SLC4A10: variants seen among roughly 807,000 people sequenced by gnomAD.
SLC4A10 encodes solute carrier family 4 member 10, also known as sodium-driven chloride bicarbonate exchanger.
Under a neutral mutation model 137.7 loss-of-function variants are expected in SLC4A10, and 42 were observed. The ratio of observed to expected loss-of-function variants is 0.30; its 90% CI spans 0.24 to 0.39. The LOEUF (loss-of-function observed/expected upper bound fraction) is 0.39. Ranked by LOEUF, SLC4A10 falls within the 10% of genes least tolerant of loss-of-function variation. The pLI is 1.00. For missense variants in SLC4A10, 925 were observed against 1,355.0 expected (o/e 0.68, Z 4.98); for synonymous variants, 474 against 464.1 (o/e 1.02, Z -0.27).
intron 2 of SLC4A10, among the ~76,000 whole-genome samples, chr2:161,775,665 C>T (rs2052233293): frequency 6.6e-6 from 1 of 151,858 alleles, no homozygotes; most frequent in African/African-American, 2.4e-5. Flanking sequence ...TATAGGGACT[C>T]AGTGAAAGTA....
At chr2:161,656,380 A>T (rs1254901209) in intron 1 of SLC4A10, among the ~76,000 whole-genome samples, 1 of 152,186 alleles carries the variant, frequency 6.6e-6, no homozygotes, top group East Asian at 1.9e-4. Flanking sequence ...GCAGAGTATT[A>T]AGTAGTGAAT....
intron 2 of SLC4A10, among the ~76,000 whole-genome samples, chr2:161,779,691 T>A (rs188962280): frequency 6.6e-6 from 1 of 152,124 alleles, no homozygotes; most frequent in East Asian, 1.9e-4. Flanking sequence ...CTTTCTAATA[T>A]TTTACCTCTA....
At chr2:161,660,589 TTTCTTTCTTTC>T (rs1553479847) in intron 1 of SLC4A10, among the ~76,000 whole-genome samples, 4 of 139,946 alleles carry the variant, frequency 2.9e-5, no homozygotes, top group Non-Finnish European at 6.4e-5. Context: ...TCTTTCTTTC[TTTCTTTCTTTC>T]TTTCTTTCTT....
chr2:161,842,832 T>A (rs1217359785), intron 4 of SLC4A10, among the ~76,000 whole-genome samples: 1 of 152,086 alleles, frequency 6.6e-6, no homozygotes, highest in Non-Finnish European at 1.5e-5. Context: ...CACAGATTAG[T>A]GATATAACTT....
chr2:161,749,050 G>C (rs1372983463), intron 1 of SLC4A10, among the ~76,000 whole-genome samples: 3 of 151,874 alleles, frequency 2.0e-5, no homozygotes, highest in East Asian at 1.9e-4. Context: ...TTGTAAATGA[G>C]GTTGTTTTCT....
intron 25 of SLC4A10, 22 bp downstream of exon 25, chr2:161,976,898 G>T (rs1423268817): frequency 7.9e-7 from 1 of 1,261,134 alleles, no homozygotes; most frequent in East Asian, 2.5e-5. Context: ...AAAATAATGA[G>T]AATTTATACT....
intron 1 of SLC4A10, among the ~76,000 whole-genome samples, chr2:161,731,532 C>G (rs953119954): frequency 6.6e-6 from 1 of 152,060 alleles, no homozygotes; most frequent in Non-Finnish European, 1.5e-5. Context: ...AACTATTTGA[C>G]TTTTAAATTT....
chr2:161,891,170 A>T (rs992980831), intron 10 of SLC4A10, among the ~76,000 whole-genome samples: 1 of 152,144 alleles, frequency 6.6e-6, no homozygotes, highest in Non-Finnish European at 1.5e-5. Context: ...ATCCACTGTT[A>T]GTCTGATGGG....
intron 1 of SLC4A10, among the ~76,000 whole-genome samples, chr2:161,647,894 G>C (rs1426649543): frequency 6.6e-6 from 1 of 152,162 alleles, no homozygotes; most frequent in African/African-American, 2.4e-5. Context: ...TTCACTACTA[G>C]TACTCGCTGC....
chr2:161,728,569 G>A (rs1482514627), intron 1 of SLC4A10, among the ~76,000 whole-genome samples: 1 of 151,594 alleles, frequency 6.6e-6, no homozygotes, highest in Non-Finnish European at 1.5e-5. Flanking sequence ...GGAAGACCCT[G>A]TCCAAAGGAA....
chr2:161,889,109 CAG>C (rs2062635509), intron 10 of SLC4A10, among the ~76,000 whole-genome samples: 1 of 152,094 alleles, frequency 6.6e-6, no homozygotes, highest in Non-Finnish European at 1.5e-5. Flanking sequence ...TAAGTTGAAC[CAG>C]CCTTGCATCC....
rs1309269766 is a variant in SLC4A10, at chr2:161,961,502, G to C, written c.2863-2633G>C. On this transcript the variant is annotated intron_variant, in intron 21 of 26. Coordinates refer to ENST00000446997, the MANE Select transcript of SLC4A10 (RefSeq NM_001178015.2). ...ATAGAATTTGTTTAGTAAGCCATTA[G>C]GGAAGAATATGGAAGAGGTTTTGTT... Among the ~76,000 whole-genome samples, 5 of 151,710 alleles carry C rather than the reference G, an allele frequency of 3.3e-5. No homozygotes were observed. The East Asian group carries it at 9.7e-4, about 29-fold the overall frequency.
chr2:161,913,291 A>G (rs923364305), intron 15 of SLC4A10, among the ~76,000 whole-genome samples: 4 of 152,166 alleles, frequency 2.6e-5, no homozygotes, highest in African/African-American at 7.2e-5. Context: ...ACTAATACAC[A>G]TACCATCATT....
chr2:161,794,304 C>T (rs2054527782), intron 2 of SLC4A10, among the ~76,000 whole-genome samples: 2 of 152,142 alleles, frequency 1.3e-5, no homozygotes, highest in Admixed American at 6.6e-5. Context: ...TAGATATCTA[C>T]TATACAGCAT....
At chr2:161,727,483 A>T (rs754122746) in intron 1 of SLC4A10, among the ~76,000 whole-genome samples, 18 of 152,334 alleles carry the variant, frequency 1.2e-4, no homozygotes, top group Admixed American at 5.2e-4. Context: ...ATACATTAGG[A>T]AAAAGAAATA....
chr2:161,927,469 T>C (rs903472930), intron 15 of SLC4A10, among the ~76,000 whole-genome samples: 9 of 152,168 alleles, frequency 5.9e-5, no homozygotes, highest in African/African-American at 1.9e-4. Flanking sequence ...GGGCAAGGAC[T>C]TCATGTCTAA....
At chr2:161,741,689 T>G (rs533841446) in intron 1 of SLC4A10, among the ~76,000 whole-genome samples, 14 of 152,332 alleles carry the variant, frequency 9.2e-5, no homozygotes, top group African/African-American at 3.4e-4. Flanking sequence ...TTAATTTTTA[T>G]GGGTACATAA....
At chr2:161,917,757 C>G (rs1457740527) in intron 15 of SLC4A10, among the ~76,000 whole-genome samples, 3 of 152,176 alleles carry the variant, frequency 2.0e-5, no homozygotes, top group Non-Finnish European at 4.4e-5. Flanking sequence ...TTTATTATCT[C>G]TCTCCTCTCT....
chr2:161,728,524 G>A (rs2046472217), intron 1 of SLC4A10, among the ~76,000 whole-genome samples: 2 of 151,972 alleles, frequency 1.3e-5, no homozygotes, highest in South Asian at 4.1e-4. Context: ...GCAGTGAGCT[G>A]AAATCGCGCC....
Sources: allele counts gnomAD v4.1 joint callset (sites outside exome capture counted in the v4.1 genomes callset), GRCh38; gene constraint gnomAD v4.1.1; transcripts MANE v1.5; gene names NCBI Gene and HGNC (gene_info 2026-07-23, HGNC 2026-07-21).